GOLGA8M: variants seen among roughly 807,000 people sequenced by gnomAD.
GOLGA8M encodes the protein golgin A8 family member M.
Under a neutral mutation model 87.7 loss-of-function variants are expected in GOLGA8M, and 34 were observed. The observed-to-expected ratio is 0.39, with a 90% CI of 0.29 to 0.52. GOLGA8M has a LOEUF of 0.52. GOLGA8M is among the 20% of genes least tolerant of loss of function. The pLI, the probability that GOLGA8M is intolerant of heterozygous loss-of-function variation, is 0.80. For missense variants in GOLGA8M, 396 were observed against 682.2 expected (o/e 0.58, Z 4.67); for synonymous variants, 138 against 250.2 (o/e 0.55, Z 4.23).
chr15:28,701,525 TCAAA>T lies in GOLGA8M; in HGVS notation c.*425_*428del, dbSNP rs1318573638. ...AGAGCTCACTGTGATTAAGATTAGA[TCAAA>T]CAACAGCAGAACATAGGCAAATTTT... On this transcript the variant is annotated 3_prime_UTR_variant, in exon 19 of 19. Coordinates refer to ENST00000563027, the MANE Select transcript of GOLGA8M (RefSeq NM_001282468.3). 1.3e-5 allele frequency among the ~76,000 whole-genome samples: 2 copies of T among 150,474 alleles called. No homozygotes were observed. The highest frequency in any genetic ancestry group is 2.9e-5 in the Non-Finnish European group (2 of 67,872).
At chr15:28,711,738 T>TC in intron 1 of GOLGA8M, 1 of 985,092 alleles carries the variant, frequency 1.0e-6, no homozygotes, top group South Asian at 4.7e-5. Context: ...CTCCTCCTGG[T>TC]CGGGGGGAGG....
intron 15 of GOLGA8M, chr15:28,703,066 G>C: frequency 1.2e-6 from 1 of 843,888 alleles, no homozygotes; most frequent in Non-Finnish European, 1.4e-6. Context: ...AATGCCACCT[G>C]AGGGCAAGAT....
upstream of GOLGA8M, among the ~76,000 whole-genome samples, chr15:28,712,551 G>C (rs1384672175): frequency 2.0e-5 from 3 of 150,084 alleles, no homozygotes; most frequent in Non-Finnish European, 2.9e-5. Context: ...AGCGTGTCCA[G>C]AGGGCCCTGT....
rs201726024 is a variant in GOLGA8M at position 28,702,820 on chromosome 15, T to C, written c.1369-75A>G. ...TGGCATTTTCAAGTCATGGAGAAGG[T>C]GGAGGTGAGTCCTGGCATGGGCCAG... is the stretch of plus-strand genomic sequence containing the variant. On this transcript the variant is annotated intron_variant, in intron 15 of 18. Transcript: ENST00000563027. The C allele has an allele frequency of 5.1e-3, 8,036 of 1,570,394 alleles. 70 individuals are homozygous for C. Among genetic ancestry groups the C allele is most frequent in the African/African-American group, 0.022 (1,545 of 70,878 alleles).
intron 13 of GOLGA8M, among the ~76,000 whole-genome samples, chr15:28,704,385 C>G (rs1360138146): frequency 6.8e-6 from 1 of 147,120 alleles, no homozygotes; most frequent in East Asian, 3.2e-4. Context: ...AAGTGACTGC[C>G]TCCCTTTCCT....
In GOLGA8M at chr15:28,698,816, G is replaced by A. The variant is rs954623595; in HGVS notation, c.*3138C>T. On this transcript the variant is annotated 3_prime_UTR_variant, in exon 19 of 19. Coordinates refer to ENST00000563027, the MANE Select transcript of GOLGA8M (RefSeq NM_001282468.3). ...ATTACATTACAGTGGCATCACACCA[G>A]CAGTCAATAAGGCCACTCTAGGGAA... Among the ~76,000 whole-genome samples, 3 of 144,220 alleles carry A rather than the reference G, an allele frequency of 2.1e-5. No individual in the cohort carries two copies. Among genetic ancestry groups the A allele is most frequent in the Non-Finnish European group, 4.4e-5 (3 of 67,622 alleles). The allele number at this position is 144,220 out of a possible 152,430, so 94.6% of individuals were successfully genotyped here.
At chr15:28,703,147 GC>G (rs1332885446) in intron 15 of GOLGA8M, among the ~76,000 whole-genome samples, 171 bp downstream of exon 15, 1 of 133,256 alleles carries the variant, frequency 7.5e-6, no homozygotes. Flanking sequence ...CTTCCCTTGG[GC>G]CCCCAGAGAC....
upstream of GOLGA8M, among the ~76,000 whole-genome samples, chr15:28,713,203 G>A (rs1335107804): frequency 6.6e-6 from 1 of 150,918 alleles, no homozygotes; most frequent in Non-Finnish European, 1.5e-5. Flanking sequence ...CGGATGTGGT[G>A]GCAGGCAGCT....
In GOLGA8M at chr15:28,702,220, G is replaced by T; in HGVS notation, c.1717C>A (p.His573Asn). 1 of 1,590,934 alleles carries T rather than the reference G, an allele frequency of 6.3e-7. No homozygotes were observed. The highest frequency in any genetic ancestry group is 8.5e-7 in the Non-Finnish European group (1 of 1,175,304). Reference sequence around the variant, plus strand: ...ACCTGAGGGCTGTACTCACCACCATGCTTGTCTGCAGCCCCAAGCTCCTGG... The same window carrying T: ...ACCTGAGGGCTGTACTCACCACCATTCTTGTCTGCAGCCCCAAGCTCCTGG... ...APQELGAADK[H>N]GDLCEVSLTS... The change falls in exon 18 of 19, where the codon CAT (histidine) becomes AAT (asparagine). Residue 573 changes from histidine (H) to asparagine (N), a missense_variant. Physicochemically the swap from His to Asn is moderately conservative, Grantham distance 68. Around this residue, in one of 12 missense-constraint regions of GOLGA8M, gnomAD observed 173 missense variants for 150.2 expected, o/e 1.15. Transcript: ENST00000563027.
chr15:28,708,647 G>A (rs1276177340), intron 4 of GOLGA8M, among the ~76,000 whole-genome samples: 1 of 149,580 alleles, frequency 6.7e-6, no homozygotes. Context: ...CTCTTGAGAG[G>A]ACAGCAACAT....
At position 28,699,318 on chromosome 15, in the gene GOLGA8M, T is replaced by C. The variant is rs1596657571; in HGVS notation, c.*2636A>G. Among the ~76,000 whole-genome samples, 1 of 149,126 alleles carries C rather than the reference T, an allele frequency of 6.7e-6. No homozygotes were observed. The highest frequency in any genetic ancestry group is 1.5e-5 in the Non-Finnish European group (1 of 67,952). Reference sequence around the variant, plus strand: ...GAACTCACAGTTTAAAATTCTGTGTTTCTGATGAACTCTAACATTCCAATG... The same window carrying C: ...GAACTCACAGTTTAAAATTCTGTGTCTCTGATGAACTCTAACATTCCAATG... On this transcript the variant is annotated 3_prime_UTR_variant, in exon 19 of 19. Coordinates refer to ENST00000563027, the MANE Select transcript of GOLGA8M (RefSeq NM_001282468.3).
At position 28,701,041 on chromosome 15, in the gene GOLGA8M, C is replaced by T. The variant is rs1422198669; in HGVS notation, c.*913G>A. Among the ~76,000 whole-genome samples, 2 of 152,150 alleles carry T rather than the reference C, an allele frequency of 1.3e-5. No homozygotes were observed. Among genetic ancestry groups the T allele is most frequent in the African/African-American group, 2.4e-5 (1 of 41,428 alleles). On this transcript the variant is annotated 3_prime_UTR_variant, in exon 19 of 19. Transcript: ENST00000563027. ...TTAAAACAGGTAACATGAACTCTGA[C>T]TTTAAAATGTATTGTAGATACAAAT...
chr15:28,699,252 G>A lies in GOLGA8M; in HGVS notation c.*2702C>T, dbSNP rs2079746021. Among the ~76,000 whole-genome samples the A allele has an allele frequency of 7.0e-6, 1 of 143,526 alleles. No homozygotes were observed. Among genetic ancestry groups the A allele is most frequent in the Non-Finnish European group, 1.5e-5 (1 of 67,622 alleles). 94.2% of individuals were successfully genotyped at this position (143,526 alleles called of 152,430 possible). A position where few individuals can be genotyped will look rare whatever the true frequency, so the allele number is the denominator to read the frequency against. The stretch of plus-strand genomic sequence containing the variant: ...ATTATATATTGCCATCTTTAAATAG[G>A]TATTTTGATTCTTCCTACAGAAATT... On this transcript the variant is annotated 3_prime_UTR_variant, in exon 19 of 19. Coordinates refer to ENST00000563027, the MANE Select transcript of GOLGA8M (RefSeq NM_001282468.3).
At position 28,706,810 on chromosome 15, in the gene GOLGA8M, C is replaced by A. The variant is rs934502687; in HGVS notation, c.592-111G>T. On this transcript the variant is annotated intron_variant, in intron 8 of 18. Transcript: ENST00000563027. ...AATATACAACTCGGTCAGTAAAGAT[C>A]AAGGCATTTCCAAGCCCGTGGTCTG... is the stretch of plus-strand genomic sequence containing the variant. 2.8e-5 allele frequency: 29 copies of A among 1,030,424 alleles called. 6 individuals carry two copies. In the African/African-American group the frequency reaches 3.9e-4, roughly 14 times the overall value. The allele number at this position is 1,030,424 out of a possible 1,614,324, so 63.8% of individuals were successfully genotyped here.
rs745500104 is a variant in GOLGA8M at position 28,702,221 on chromosome 15, C to T, written c.1716G>A (p.Lys572=). 6.9e-6 allele frequency: 11 copies of T among 1,590,814 alleles called. No homozygotes were observed. Among genetic ancestry groups the T allele is most frequent in the Admixed American group, 5.2e-5 (3 of 57,856 alleles). ...PAPQELGAAD[K]HGDLCEVSLT... ...CCTGAGGGCTGTACTCACCACCATG[C>T]TTGTCTGCAGCCCCAAGCTCCTGGG... Residue 572 remains lysine, a synonymous_variant, in exon 18 of 19, where the codon AAG becomes AAA. Transcript: ENST00000563027.
At chr15:28,705,276 C>A (rs1221601842) in intron 12 of GOLGA8M, 49 bp from the exon 13 acceptor site, 6 of 1,558,920 alleles carry the variant, frequency 3.8e-6, no homozygotes, top group Non-Finnish European at 5.2e-6. Flanking sequence ...CTGGAGACCC[C>A]AGAACTTGGT....
Position 28,707,825 on chromosome 15 carries a change from G to T in GOLGA8M, c.514C>A (p.His172Asn). Residue 172 changes from histidine to asparagine, a missense_variant, in exon 8 of 19, where the codon CAT becomes AAT. His to Asn is a moderately conservative substitution (Grantham distance 68). Transcript: ENST00000563027. ...AACTCTCCTTTACGCTGCAATGAAT[G>T]TTGCAGGCGGACAGCCAGATCCTTG... is the stretch of plus-strand genomic sequence containing the variant. ...KSKDLAVRLQ[H>N]SLQRKGELES... 1.3e-6 allele frequency: 2 copies of T among 1,585,568 alleles called. No homozygotes were observed. Among genetic ancestry groups the T allele is most frequent in the South Asian group, 2.2e-5 (2 of 90,396 alleles).
chr15:28,711,722 A>C (rs548419104), intron 1 of GOLGA8M: 33 of 985,116 alleles, frequency 3.3e-5, no homozygotes, highest in Admixed American at 6.2e-5. Flanking sequence ...ACATCACAAC[A>C]TTCCACTCCT....
At chr15:28,708,639 C>G (rs942398120) in intron 4 of GOLGA8M, among the ~76,000 whole-genome samples, 20 of 149,184 alleles carry the variant, frequency 1.3e-4, no homozygotes, top group African/African-American at 4.9e-4. Flanking sequence ...TCTGGAATCT[C>G]TTGAGAGGAC....
Sources: gnomAD v4.1 joint callset for allele counts (sites outside exome capture counted in the v4.1 genomes callset) on GRCh38, gnomAD v4.1.1 for gene constraint, gnomAD v4.1.1 regional missense constraint, MANE v1.5 for transcripts, NCBI Gene and HGNC (gene_info 2026-07-23, HGNC 2026-07-21) for gene names.